The following KCTD8 variants were observed in gnomAD, a reference collection of about 807,000 sequenced individuals.
The protein encoded by KCTD8 is BTB/POZ domain-containing protein KCTD8.
Under a neutral mutation model 31.5 loss-of-function variants are expected in KCTD8, and 27 were observed. The observed-to-expected ratio is 0.86, with a 90% CI of 0.63 to 1.18. The LOEUF (loss-of-function observed/expected upper bound fraction) is 1.18, where lower values mean the gene tolerates loss of function less well. Ranked by LOEUF, KCTD8 falls within the 50% of genes most tolerant of loss-of-function variation. KCTD8 has a pLI of 0.00. For synonymous variants in KCTD8, 290 were observed against 280.0 expected (o/e 1.04, Z -0.36); for missense variants, 658 against 647.7 (o/e 1.02, Z -0.17).
chr4:44,248,460 A>AAAAG (rs900853438), intron 1 of KCTD8, among the ~76,000 whole-genome samples: 3 of 151,608 alleles, frequency 2.0e-5, no homozygotes, highest in African/African-American at 7.3e-5. Flanking sequence ...ACCAAAAAAA[A>AAAAG]AAAGAAAGAA....
chr4:44,406,943 T>C (rs1204726783), intron 1 of KCTD8, among the ~76,000 whole-genome samples: 1 of 152,208 alleles, frequency 6.6e-6, no homozygotes, highest in East Asian at 1.9e-4. Flanking sequence ...TATGAGAATA[T>C]AAATCTTGAA....
At chr4:44,185,973 G>A (rs1304746) in intron 1 of KCTD8, among the ~76,000 whole-genome samples, 17,306 of 152,134 alleles carry the variant, frequency 0.11, 1,399 homozygotes, top group East Asian at 0.36. Flanking sequence ...GGTCCCTGGC[G>A]AGGTCTCCAC....
intron 1 of KCTD8, among the ~76,000 whole-genome samples, chr4:44,395,389 T>A: frequency 6.6e-6 from 1 of 152,088 alleles, no homozygotes; most frequent in South Asian, 2.1e-4. Flanking sequence ...CCAATCTGGC[T>A]AAGAGTAACT....
intron 1 of KCTD8, among the ~76,000 whole-genome samples, chr4:44,357,460 G>A (rs1285719793): frequency 1.3e-5 from 2 of 152,068 alleles, no homozygotes; most frequent in Non-Finnish European, 2.9e-5. Context: ...TTCCTACTAT[G>A]GCTCTAAAAA....
At chr4:44,417,194 C>T (rs919329664) in intron 1 of KCTD8, among the ~76,000 whole-genome samples, 3 of 152,292 alleles carry the variant, frequency 2.0e-5, no homozygotes, top group African/African-American at 4.8e-5. Flanking sequence ...GTACTTCTGG[C>T]TTTTCGCCCT....
chr4:44,236,367 C>T (rs1237821837), intron 1 of KCTD8, among the ~76,000 whole-genome samples: 1 of 152,092 alleles, frequency 6.6e-6, no homozygotes, highest in East Asian at 1.9e-4. Context: ...TTCTGGCCAT[C>T]CAGTGCATAG....
chr4:44,278,369 T>G (rs1413863289), intron 1 of KCTD8, among the ~76,000 whole-genome samples: 3 of 152,060 alleles, frequency 2.0e-5, no homozygotes, highest in Non-Finnish European at 4.4e-5. Context: ...ACTTTCTGTC[T>G]ATTCCTGTGG....
At chr4:44,377,216 C>T (rs1443069215) in intron 1 of KCTD8, among the ~76,000 whole-genome samples, 1 of 152,090 alleles carries the variant, frequency 6.6e-6, no homozygotes, top group African/African-American at 2.4e-5. Context: ...AGATGGGTTC[C>T]ATACTCTGGC....
At chr4:44,252,202 A>G (rs558018653) in intron 1 of KCTD8, among the ~76,000 whole-genome samples, 7 of 151,824 alleles carry the variant, frequency 4.6e-5, no homozygotes, top group African/African-American at 1.7e-4. Flanking sequence ...ATTCCTTTTT[A>G]TGGCTGAGTG....
chr4:44,366,686 T>G (rs1435926142), intron 1 of KCTD8, among the ~76,000 whole-genome samples: 2 of 145,718 alleles, frequency 1.4e-5, no homozygotes. Context: ...AGCAGCAGCA[T>G]CAATATTGTA....
At chr4:44,310,161 C>T (rs1221452186) in intron 1 of KCTD8, among the ~76,000 whole-genome samples, 1 of 152,066 alleles carries the variant, frequency 6.6e-6, no homozygotes, top group Non-Finnish European at 1.5e-5. Context: ...ACACTTAAAA[C>T]TTATGTAGTC....
chr4:44,286,760 C>T (rs758781102), intron 1 of KCTD8, among the ~76,000 whole-genome samples: 7 of 151,824 alleles, frequency 4.6e-5, no homozygotes, highest in Non-Finnish European at 1.0e-4. Context: ...TAACTTTGCT[C>T]CTGGAAAGAG....
chr4:44,229,068 G>A (rs1250707612), intron 1 of KCTD8, among the ~76,000 whole-genome samples: 3 of 152,130 alleles, frequency 2.0e-5, no homozygotes, highest in Admixed American at 6.5e-5. Flanking sequence ...TTCAATTTCC[G>A]CATTTGCAAA....
intron 1 of KCTD8, among the ~76,000 whole-genome samples, chr4:44,291,821 G>C (rs1280140783): frequency 6.6e-6 from 1 of 151,958 alleles, no homozygotes; most frequent in Non-Finnish European, 1.5e-5. Flanking sequence ...CAAAGAACAA[G>C]AACAGACATT....
chr4:44,205,064 GAAT>G (rs1469334815), intron 1 of KCTD8, among the ~76,000 whole-genome samples: 1 of 151,856 alleles, frequency 6.6e-6, no homozygotes, highest in African/African-American at 2.4e-5. Flanking sequence ...TTCTTTACTA[GAAT>G]AATACCATAA....
chr4:44,182,925 T>C (rs938749419), intron 1 of KCTD8, among the ~76,000 whole-genome samples: 1 of 152,210 alleles, frequency 6.6e-6, no homozygotes, highest in Non-Finnish European at 1.5e-5. Flanking sequence ...ACATATATAT[T>C]AAGTACTTTA....
intron 1 of KCTD8, among the ~76,000 whole-genome samples, chr4:44,213,152 G>T (rs368764469): frequency 8.2e-4 from 124 of 150,590 alleles, no homozygotes; most frequent in African/African-American, 2.9e-3. Context: ...TAGCCAGGAT[G>T]GTCTTGATCT....
At chr4:44,232,090 A>T (rs1320698234) in intron 1 of KCTD8, among the ~76,000 whole-genome samples, 1 of 152,184 alleles carries the variant, frequency 6.6e-6, no homozygotes, top group South Asian at 2.1e-4. Flanking sequence ...GGTCTTCACC[A>T]TAGAAATTCT....
intron 1 of KCTD8, among the ~76,000 whole-genome samples, chr4:44,223,224 G>A (rs892490018): frequency 3.3e-5 from 5 of 152,284 alleles, no homozygotes; most frequent in African/African-American, 1.2e-4. Context: ...GGGGACAAGA[G>A]CGGCTCAGGA....
Sources: gnomAD v4.1 joint callset for allele counts (sites outside exome capture counted in the v4.1 genomes callset) on GRCh38, gnomAD v4.1.1 for gene constraint, MANE v1.5 for transcripts, NCBI Gene and HGNC (gene_info 2026-07-23, HGNC 2026-07-21) for gene names.